DEPTOR: variants seen among roughly 807,000 people sequenced by gnomAD.
DEPTOR encodes the protein DEP domain containing MTOR interacting protein.
DEPTOR carries 41 observed loss-of-function variants against 41.6 expected under a neutral mutation model. The observed-to-expected ratio is 0.98, with a 90% CI of 0.77 to 1.28. The LOEUF (loss-of-function observed/expected upper bound fraction) is 1.28, where lower values mean the gene tolerates loss of function less well. Among genes scored for constraint, DEPTOR ranks in the 50% most tolerant of loss-of-function variants. The probability of loss-of-function intolerance (pLI) is 0.00; values close to 1 mark genes in which losing one functional copy is unlikely to be tolerated. For synonymous variants in DEPTOR, 195 were observed against 192.3 expected, an observed-to-expected ratio of 1.01 and a Z score of -0.12; for missense variants, 514 against 527.9, an observed-to-expected ratio of 0.97 and a Z score of 0.26.
intron 8 of DEPTOR, among the ~76,000 whole-genome samples, chr8:120,047,698 T>C (rs1813172506): frequency 7.4e-6 from 1 of 135,024 alleles, no homozygotes; most frequent in Non-Finnish European, 1.7e-5. Flanking sequence ...TTTTAAATGC[T>C]GGTCAATTAA....
At position 119,939,970 on chromosome 8, in the gene DEPTOR, C is replaced by T. The variant is rs182961804; in HGVS notation, c.425+10032C>T. ...CAGTGGCTCACACCTGTAATCCCAG[C>T]ACTTTGGGAGGCCGAGGCAGGCAGA... On this transcript the variant is annotated intron_variant, in intron 3 of 8. Coordinates refer to ENST00000286234, the MANE Select transcript of DEPTOR (RefSeq NM_022783.4). Among the ~76,000 whole-genome samples the T allele has an allele frequency of 4.1e-3, 627 of 152,026 alleles. 3 individuals carry two copies. Among genetic ancestry groups the T allele is most frequent in the Non-Finnish European group, 7.2e-3 (492 of 67,966 alleles).
intron 4 of DEPTOR, among the ~76,000 whole-genome samples, chr8:119,991,476 G>A (rs1812172991): frequency 6.6e-6 from 1 of 151,926 alleles, no homozygotes; most frequent in Non-Finnish European, 1.5e-5. Flanking sequence ...CCACCACACC[G>A]GGCTAATCTT....
chr8:119,909,420 G>A (rs1435296883), intron 1 of DEPTOR, among the ~76,000 whole-genome samples: 1 of 152,142 alleles, frequency 6.6e-6, no homozygotes, highest in Non-Finnish European at 1.5e-5. Context: ...CACCCTGTCA[G>A]CATTCTTGGG....
chr8:119,987,330 A>T (rs1314519115), intron 4 of DEPTOR, among the ~76,000 whole-genome samples: 1 of 152,046 alleles, frequency 6.6e-6, no homozygotes, highest in Non-Finnish European at 1.5e-5. Context: ...TCTACTCCAG[A>T]CCCTCTTTGC....
At position 120,003,619 on chromosome 8, in the gene DEPTOR, C is replaced by T. The variant is rs143575881; in HGVS notation, c.925+508C>T. ...AAACAGCACTTCCCCAGAATGCAGC[C>T]GATGCATAAGATCTGTTGGGGCCCA... is the stretch of plus-strand genomic sequence containing the variant. On this transcript the variant is annotated intron_variant, in intron 6 of 8. Coordinates refer to ENST00000286234, the MANE Select transcript of DEPTOR (RefSeq NM_022783.4). Among the ~76,000 whole-genome samples, 369 of 142,884 alleles carry T rather than the reference C, an allele frequency of 2.6e-3. 1 individual carries two copies. Among genetic ancestry groups the T allele is most frequent in the African/African-American group, 9.8e-3 (332 of 33,950 alleles). The allele number at this position is 142,884 out of a possible 152,430, so 93.7% of individuals were successfully genotyped here. A position where few individuals can be genotyped will look rare whatever the true frequency, so the allele number is the denominator to read the frequency against.
chr8:119,966,335 G>A (rs1828561151), intron 4 of DEPTOR, among the ~76,000 whole-genome samples: 1 of 152,112 alleles, frequency 6.6e-6, no homozygotes, highest in South Asian at 2.1e-4. Flanking sequence ...GTGTTGTGGT[G>A]CACGTCTGTA....
In DEPTOR at chr8:120,050,001, A is replaced by C. The variant is rs1813212062; in HGVS notation, c.*297A>C. On this transcript the variant is annotated 3_prime_UTR_variant, in exon 9 of 9. Transcript: ENST00000286234. ...TTCATTGTTTTTTATCTTAGTTTGCAGAAAGGTGTTGAAATGCTTCTCTAG... is the reference window on the plus strand; with the variant it reads ...TTCATTGTTTTTTATCTTAGTTTGCCGAAAGGTGTTGAAATGCTTCTCTAG... 4.6e-6 allele frequency: 1 copy of C among 215,340 alleles called. No individual in the cohort carries two copies. 13.3% of individuals were successfully genotyped at this position (215,340 alleles called of 1,614,324 possible).
chr8:119,965,163 CTA>C (rs1563977931), intron 3 of DEPTOR, 67 bp from the exon 4 acceptor site: 1 of 1,488,394 alleles, frequency 6.7e-7, no homozygotes, highest in Non-Finnish European at 9.0e-7. Flanking sequence ...TCATGGAAAT[CTA>C]TGATTTCAAA....
At chr8:119,941,514 C>CAGTGT (rs1356823373) in intron 3 of DEPTOR, among the ~76,000 whole-genome samples, 3 of 151,496 alleles carry the variant, frequency 2.0e-5, no homozygotes, top group Non-Finnish European at 4.4e-5. Flanking sequence ...CTTATCTTAT[C>CAGTGT]AGTGTACTGG....
chr8:119,946,828 G>A (rs1828284794), intron 3 of DEPTOR, among the ~76,000 whole-genome samples: 1 of 152,096 alleles, frequency 6.6e-6, no homozygotes, highest in Non-Finnish European at 1.5e-5. Context: ...GTTTCTTCTA[G>A]AATATAAAAC....
chr8:120,022,540 A>T (rs113302581), intron 8 of DEPTOR, among the ~76,000 whole-genome samples: 90 of 152,222 alleles, frequency 5.9e-4, no homozygotes, highest in African/African-American at 1.9e-3. Flanking sequence ...GTCAGTCTTG[A>T]GGCTCCTAAG....
At chr8:119,900,039 G>A (rs1331138523) in intron 1 of DEPTOR, among the ~76,000 whole-genome samples, 1 of 152,002 alleles carries the variant, frequency 6.6e-6, no homozygotes, top group Admixed American at 6.6e-5. Flanking sequence ...TATAGATGTC[G>A]GCTGGGCGCA....
intron 1 of DEPTOR, among the ~76,000 whole-genome samples, chr8:119,890,660 G>A (rs1474698320): frequency 1.3e-5 from 2 of 152,148 alleles, no homozygotes; most frequent in East Asian, 1.9e-4. Context: ...AATAGTGATA[G>A]CAATGTTGTC....
intron 1 of DEPTOR, among the ~76,000 whole-genome samples, chr8:119,878,569 C>T (rs1312568464): frequency 6.6e-6 from 1 of 151,660 alleles, no homozygotes; most frequent in Non-Finnish European, 1.5e-5. Flanking sequence ...CCTCGTGATC[C>T]GCCCGCCTCG....
chr8:119,889,920 T>A (rs1222213448), intron 1 of DEPTOR, among the ~76,000 whole-genome samples: 1 of 152,104 alleles, frequency 6.6e-6, no homozygotes, highest in East Asian at 1.9e-4. Context: ...ATGATAATCA[T>A]TGTAGAGAAG....
At chr8:119,968,073 GC>G (rs1199586150) in intron 4 of DEPTOR, among the ~76,000 whole-genome samples, 1 of 152,158 alleles carries the variant, frequency 6.6e-6, no homozygotes, top group Admixed American at 6.5e-5. Flanking sequence ...GAAGCACAGT[GC>G]TGGTGTGATC....
intron 4 of DEPTOR, among the ~76,000 whole-genome samples, chr8:119,967,753 CAAAAA>C (rs369574750): frequency 2.4e-5 from 2 of 85,070 alleles, no homozygotes; most frequent in Non-Finnish European, 2.5e-5. Context: ...GACTTCGTCC[CAAAAA>C]AAAAAAAAAA....
intron 8 of DEPTOR, among the ~76,000 whole-genome samples, chr8:120,035,375 C>T (rs1159357842): frequency 1.3e-5 from 2 of 152,028 alleles, no homozygotes; most frequent in Admixed American, 1.3e-4. Flanking sequence ...TGTTGGAACC[C>T]CTCCTTCCCA....
Position 120,049,584 on chromosome 8 carries a change from G to GT in DEPTOR, c.1113dup (p.Val372CysfsTer91), listed in dbSNP as rs766414785. The GT allele has an allele frequency of 1.9e-6, 3 of 1,613,494 alleles. No individual in the cohort carries two copies. Among genetic ancestry groups the GT allele is most frequent in the Non-Finnish European group, 2.5e-6 (3 of 1,179,632 alleles). On this transcript the variant is annotated frameshift_variant, in exon 9 of 9. Transcript: ENST00000286234. LOFTEE classifies it high-confidence loss of function. ...TTGCATCTTTCCTTTAGGTCTGTCA[G>GT]TTTGTCGTCTCTGTCAACGGGCTCA...
Sources: allele counts gnomAD v4.1 joint callset (sites outside exome capture counted in the v4.1 genomes callset), GRCh38; gene constraint gnomAD v4.1.1; transcripts MANE v1.5; gene names NCBI Gene and HGNC (gene_info 2026-07-23, HGNC 2026-07-21).